Variants in DSCAM observed in about 807,000 individuals in gnomAD.
DSCAM encodes DS cell adhesion molecule, also known as cell adhesion molecule DSCAM.
Under a neutral mutation model 217.7 loss-of-function variants are expected in DSCAM, and 47 were observed. The ratio of observed to expected loss-of-function variants is 0.22; its 90% CI spans 0.17 to 0.28. The LOEUF is 0.28. Among genes scored for constraint, DSCAM ranks in the 10% least tolerant of loss-of-function variants. The pLI, the probability that DSCAM is intolerant of heterozygous loss-of-function variation, is 1.00. For synonymous variants in DSCAM, 1,056 were observed against 1,015.3 expected, an observed-to-expected ratio of 1.04 and a Z score of -0.76; for missense variants, 2,080 against 2,618.3, an observed-to-expected ratio of 0.79 and a Z score of 4.49.
At chr21:40,140,278 C>A (rs2090273607) in intron 18 of DSCAM, among the ~76,000 whole-genome samples, 1 of 152,160 alleles carries the variant, frequency 6.6e-6, no homozygotes, top group South Asian at 2.1e-4. Context: ...TATCTCATCA[C>A]TTTGATTTTA....
Position 40,179,184 on chromosome 21 carries a change from C to CAAAAAAA in DSCAM, c.2780-97_2780-91dup, listed in dbSNP as rs11286508. 46 of 102,608 alleles carry CAAAAAAA rather than the reference C, an allele frequency of 4.5e-4. 3 individuals are homozygous for CAAAAAAA. Among genetic ancestry groups the CAAAAAAA allele is most frequent in the South Asian group, 7.5e-4 (7 of 9,308 alleles). The allele number at this position is 102,608 out of a possible 1,614,324, so 6.4% of individuals were successfully genotyped here. On this transcript the variant is annotated intron_variant, in intron 14 of 32. Coordinates refer to ENST00000400454, the MANE Select transcript of DSCAM (RefSeq NM_001389.5). Reference sequence around the variant, plus strand: ...AAGTTCACAAGTAGGAATTAAAAACCAAAAAAAAAAAAAAAAAAAAAAAAA... The same window carrying CAAAAAAA: ...AAGTTCACAAGTAGGAATTAAAAACCAAAAAAAAAAAAAAAAAAAAAAAAAAAAAAAA...
At chr21:40,429,687 A>C (rs1391755516) in intron 3 of DSCAM, among the ~76,000 whole-genome samples, 2 of 152,246 alleles carry the variant, frequency 1.3e-5, no homozygotes, top group Non-Finnish European at 2.9e-5. Flanking sequence ...TTATAATGTC[A>C]GTAGAGAATT....
At position 40,613,951 on chromosome 21, in the gene DSCAM, C is replaced by A. The variant is rs368214960; in HGVS notation, c.508+78859G>T. ...TATGAGACAATCAAAATTTGGGGAG[C>A]AAATCGTTATCCTTGCACAAAAGAA... On this transcript the variant is annotated intron_variant, in intron 3 of 32. Transcript: ENST00000400454. 5.5e-4 allele frequency among the ~76,000 whole-genome samples: 84 copies of A among 152,288 alleles called. No homozygotes were observed. In the Middle Eastern group the frequency reaches 0.01, roughly 18 times the overall value.
chr21:40,510,133 G>T (rs926201162), intron 3 of DSCAM, among the ~76,000 whole-genome samples: 1 of 151,724 alleles, frequency 6.6e-6, no homozygotes, highest in East Asian at 1.9e-4. Context: ...CATAAAAAAA[G>T]AATCTAAAAT....
At chr21:40,452,151 G>A (rs968525772) in intron 3 of DSCAM, among the ~76,000 whole-genome samples, 2 of 151,494 alleles carry the variant, frequency 1.3e-5, no homozygotes, top group African/African-American at 4.9e-5. Context: ...ACACTGTATA[G>A]ATACACAGAC....
rs374434111 is a variant in DSCAM at position 40,105,561 on chromosome 21, T to C, written c.3697-11687A>G. Reference sequence around the variant, plus strand: ...CCACGTGAAGAAGGACATGTTTGTGTCCCCTTCCACCATGATTGTAAGTTT... The same window carrying C: ...CCACGTGAAGAAGGACATGTTTGTGCCCCCTTCCACCATGATTGTAAGTTT... On this transcript the variant is annotated intron_variant, in intron 20 of 32. Coordinates refer to ENST00000400454, the MANE Select transcript of DSCAM (RefSeq NM_001389.5). Among the ~76,000 whole-genome samples the C allele has an allele frequency of 1.2e-4, 18 of 152,156 alleles. 1 individual carries two copies. The highest frequency in any genetic ancestry group is 7.9e-4 in the Admixed American group (12 of 15,286).
chr21:40,333,945 G>C (rs1179557613), intron 8 of DSCAM, among the ~76,000 whole-genome samples: 1 of 152,098 alleles, frequency 6.6e-6, no homozygotes, highest in Non-Finnish European at 1.5e-5. Flanking sequence ...CAACCAATGG[G>C]GTCATAGTCA....
At chr21:40,481,578 G>C (rs2075983562) in intron 3 of DSCAM, among the ~76,000 whole-genome samples, 1 of 148,522 alleles carries the variant, frequency 6.7e-6, no homozygotes, top group African/African-American at 2.5e-5. Flanking sequence ...GGAAAGCCTT[G>C]CTCAGGAACA....
intron 13 of DSCAM, 145 bp from the exon 14 acceptor site, chr21:40,187,404 C>T (rs2090906791): frequency 8.7e-7 from 1 of 1,153,812 alleles, no homozygotes; most frequent in South Asian, 1.7e-5. Flanking sequence ...TTTTCTTTTT[C>T]CTAATCACAT....
rs114405635 is a variant in DSCAM, at chr21:40,012,492, G to C, written c.*542C>G. On this transcript the variant is annotated 3_prime_UTR_variant, in exon 33 of 33. Transcript: ENST00000400454. ...TCTCATTAAATTAAAAAAGAAACAA[G>C]AGAGAAAACCAAATTGATTCCCCCC... 2.0e-5 allele frequency: 3 copies of C among 152,076 alleles called. No individual in the cohort carries two copies. The highest frequency in any genetic ancestry group is 7.2e-5 in the African/African-American group (3 of 41,400). The allele number at this position is 152,076 out of a possible 1,614,324, so 9.4% of individuals were successfully genotyped here. A position where few individuals can be genotyped will look rare whatever the true frequency, so the allele number is the denominator to read the frequency against.
intron 17 of DSCAM, among the ~76,000 whole-genome samples, chr21:40,143,799 AT>A (rs2090321701): frequency 6.6e-6 from 1 of 152,214 alleles, no homozygotes; most frequent in East Asian, 1.9e-4. Flanking sequence ...TCAAAAAAAA[AT>A]CTATGATCAA....
chr21:40,533,447 C>T (rs2076465279), intron 3 of DSCAM, among the ~76,000 whole-genome samples: 1 of 152,098 alleles, frequency 6.6e-6, no homozygotes, highest in South Asian at 2.1e-4. Context: ...AACATCTATC[C>T]ATCCATCCAC....
chr21:40,652,700 T>C (rs558459538), intron 3 of DSCAM, among the ~76,000 whole-genome samples: 6 of 152,338 alleles, frequency 3.9e-5, no homozygotes, highest in South Asian at 4.1e-4. Context: ...TAAAGAAAGA[T>C]CTTGCCCTTG....
chr21:40,637,184 TATAA>T (rs2089778237), intron 3 of DSCAM, among the ~76,000 whole-genome samples: 1 of 20,130 alleles, frequency 5.0e-5, no homozygotes, highest in African/African-American at 2.0e-4. Context: ...TATAAATATA[TATAA>T]ATATAAATAT....
chr21:40,708,593 G>A lies in DSCAM; in HGVS notation c.222C>T (p.His74=), dbSNP rs371757548. 9.9e-6 allele frequency: 16 copies of A among 1,610,696 alleles called. No homozygotes were observed. The highest frequency in any genetic ancestry group is 5.3e-5 in the African/African-American group (4 of 74,902). ...EEIYDVPGIR[H]VHPNGTLQIF... ...TTTGGAGAGTGCCGTTGGGGTGGACGTGGCGGATCCCGGGGACATCGTAGA... is the reference window on the plus strand; with the variant it reads ...TTTGGAGAGTGCCGTTGGGGTGGACATGGCGGATCCCGGGGACATCGTAGA... Residue 74 remains histidine, a synonymous_variant, in exon 2 of 33, where the codon CAC becomes CAT. Transcript: ENST00000400454.
intron 1 of DSCAM, among the ~76,000 whole-genome samples, chr21:40,835,927 A>G (rs774691560): frequency 9.2e-5 from 14 of 152,220 alleles, no homozygotes; most frequent in Non-Finnish European, 1.8e-4. Flanking sequence ...TATACTTTGT[A>G]TGGTAAATAC....
At chr21:40,145,190 CG>C (rs2090340325) in intron 16 of DSCAM, among the ~76,000 whole-genome samples, 1 of 152,126 alleles carries the variant, frequency 6.6e-6, no homozygotes. Flanking sequence ...CAAGAACTCT[CG>C]GGCTCGCTGC....
At chr21:40,640,606 G>C (rs879848899) in intron 3 of DSCAM, among the ~76,000 whole-genome samples, 1 of 152,226 alleles carries the variant, frequency 6.6e-6, no homozygotes, top group Non-Finnish European at 1.5e-5. Context: ...ATAAGTGAGA[G>C]ATGGGGATGG....
intron 3 of DSCAM, among the ~76,000 whole-genome samples, chr21:40,388,415 G>C (rs2075105686): frequency 1.3e-5 from 2 of 152,172 alleles, no homozygotes; most frequent in South Asian, 2.1e-4. Context: ...GTGTTTCTCG[G>C]TATGAGGTAG....
Sources: gnomAD v4.1 joint callset for allele counts (sites outside exome capture counted in the v4.1 genomes callset) on GRCh38, gnomAD v4.1.1 for gene constraint, MANE v1.5 for transcripts, NCBI Gene and HGNC (gene_info 2026-07-23, HGNC 2026-07-21) for gene names.